Variants in MOB3B observed in about 807,000 individuals in gnomAD.
MOB3B encodes the protein MOB kinase activator-like 2B.
Under a neutral mutation model 18.7 loss-of-function variants are expected in MOB3B, and 7 were observed. The observed-to-expected ratio is 0.37, with a 90% CI of 0.21 to 0.70. The LOEUF is 0.70. Among genes scored for constraint, MOB3B ranks in the 30% least tolerant of loss-of-function variants. MOB3B has a pLI of 0.52. For synonymous variants in MOB3B, 111 were observed against 99.9 expected, an observed-to-expected ratio of 1.11 and a Z score of -0.66; for missense variants, 253 against 281.3, an observed-to-expected ratio of 0.90 and a Z score of 0.72.
chr9:27,432,457 G>A (rs868833967), intron 2 of MOB3B, among the ~76,000 whole-genome samples: 8 of 152,248 alleles, frequency 5.3e-5, no homozygotes, highest in Middle Eastern at 6.8e-3. Flanking sequence ...AGGACAGGAA[G>A]TACTTTTTGC....
intron 1 of MOB3B, 80 bp from the exon 2 acceptor site, chr9:27,455,828 C>T: frequency 7.6e-7 from 1 of 1,313,986 alleles, no homozygotes; most frequent in Non-Finnish European, 9.8e-7. Flanking sequence ...TGATTTCCAC[C>T]TTGTGTTCTT....
At chr9:27,333,068 A>T (rs962265355) in intron 3 of MOB3B, among the ~76,000 whole-genome samples, 1 of 152,202 alleles carries the variant, frequency 6.6e-6, no homozygotes, top group Admixed American at 6.5e-5. Flanking sequence ...ATACTAGAAC[A>T]ATTATGCCAC....
chr9:27,473,707 C>T (rs911086163), intron 1 of MOB3B, among the ~76,000 whole-genome samples: 8 of 152,018 alleles, frequency 5.3e-5, no homozygotes, highest in African/African-American at 1.4e-4. Context: ...ATGCACTCTC[C>T]CCAGTTCCAC....
chr9:27,430,836 G>T (rs929038883), intron 2 of MOB3B, among the ~76,000 whole-genome samples: 1 of 151,078 alleles, frequency 6.6e-6, no homozygotes, highest in African/African-American at 2.4e-5. Flanking sequence ...TCTTACCACC[G>T]TGACATTAAC....
At chr9:27,483,033 G>C (rs1036376430) in intron 1 of MOB3B, among the ~76,000 whole-genome samples, 7 of 151,660 alleles carry the variant, frequency 4.6e-5, no homozygotes, top group African/African-American at 1.7e-4. Flanking sequence ...ATACATATTT[G>C]AGGGCTTAAA....
chr9:27,463,933 GGCA>G (rs1451937139), intron 1 of MOB3B, among the ~76,000 whole-genome samples: 1 of 151,866 alleles, frequency 6.6e-6, no homozygotes, highest in Non-Finnish European at 1.5e-5. Context: ...CTCCAGCCTG[GGCA>G]GCAGCATGAG....
chr9:27,528,242 C>G (rs1057216528), intron 1 of MOB3B, among the ~76,000 whole-genome samples: 1 of 152,186 alleles, frequency 6.6e-6, no homozygotes. Flanking sequence ...CTTGTGGACC[C>G]CAGAATCTCA....
intron 1 of MOB3B, among the ~76,000 whole-genome samples, chr9:27,489,322 C>T (rs1819778758): frequency 6.6e-6 from 1 of 152,216 alleles, no homozygotes; most frequent in Non-Finnish European, 1.5e-5. Context: ...CTGAAAGCAG[C>T]AGGTGTCTCT....
chr9:27,503,783 CTTAG>C (rs1215102085), intron 1 of MOB3B, among the ~76,000 whole-genome samples: 1 of 152,204 alleles, frequency 6.6e-6, no homozygotes, highest in Non-Finnish European at 1.5e-5. Flanking sequence ...AAGAAGCATG[CTTAG>C]TTAGAGAGAG....
chr9:27,346,986 A>G (rs1415899569), intron 3 of MOB3B, among the ~76,000 whole-genome samples: 1 of 152,176 alleles, frequency 6.6e-6, no homozygotes, highest in Non-Finnish European at 1.5e-5. Context: ...ACAGAGCAAG[A>G]CTCTATCTCA....
chr9:27,484,619 G>C (rs1046045322), intron 1 of MOB3B, among the ~76,000 whole-genome samples: 5 of 152,110 alleles, frequency 3.3e-5, no homozygotes, highest in East Asian at 1.9e-4. Flanking sequence ...CACCATAAAG[G>C]CTTCATGAAT....
chr9:27,383,205 G>A (rs931012646), intron 2 of MOB3B, among the ~76,000 whole-genome samples: 3 of 152,064 alleles, frequency 2.0e-5, no homozygotes, highest in African/African-American at 7.2e-5. Context: ...TGCCTTGGAG[G>A]TAATAACAGA....
intron 1 of MOB3B, among the ~76,000 whole-genome samples, chr9:27,462,341 A>T (rs976625768): frequency 4.5e-5 from 5 of 110,616 alleles, no homozygotes; most frequent in Non-Finnish European, 1.1e-4. Context: ...ACGTGAATTG[A>T]AAAAAACAAT....
intron 2 of MOB3B, among the ~76,000 whole-genome samples, chr9:27,440,231 G>A (rs529823888): frequency 1.3e-5 from 2 of 152,306 alleles, no homozygotes; most frequent in South Asian, 4.1e-4. Flanking sequence ...ATGTGGCCAT[G>A]TCTCTTTAAT....
chr9:27,418,298 T>C (rs1005954790), intron 2 of MOB3B, among the ~76,000 whole-genome samples: 1 of 151,952 alleles, frequency 6.6e-6, no homozygotes, highest in Non-Finnish European at 1.5e-5. Context: ...GACACTATTT[T>C]GCAAGATAAA....
chr9:27,342,457 T>C (rs1820958017), intron 3 of MOB3B, among the ~76,000 whole-genome samples: 1 of 137,196 alleles, frequency 7.3e-6, no homozygotes. Context: ...TCCGTCTCCC[T>C]TTCCCTCGTC....
rs148482005 is a variant in MOB3B at position 27,495,475 on chromosome 9, G to A, written c.-199+34080C>T. On this transcript the variant is annotated intron_variant, in intron 1 of 3. Transcript: ENST00000262244. ...CTGAGGGACATTTCCACCATAGCTC[G>A]TGCCACACTGTATTAGTTTTCCCAT... is the stretch of plus-strand genomic sequence containing the variant. Among the ~76,000 whole-genome samples, 57 of 152,186 alleles carry A rather than the reference G, an allele frequency of 3.7e-4. No homozygotes were observed. The East Asian group carries it at 9.6e-3, about 26-fold the overall frequency.
chr9:27,340,021 T>A (rs766149589), intron 3 of MOB3B, among the ~76,000 whole-genome samples: 1 of 152,216 alleles, frequency 6.6e-6, no homozygotes. Context: ...GAATTAGAAA[T>A]GTTCTTTCTG....
At chr9:27,346,471 T>C (rs1476021134) in intron 3 of MOB3B, among the ~76,000 whole-genome samples, 3 of 152,214 alleles carry the variant, frequency 2.0e-5, no homozygotes, top group Non-Finnish European at 2.9e-5. Flanking sequence ...ACAGTATTTA[T>C]CTCATAGACT....
Sources: allele counts gnomAD v4.1 joint callset (sites outside exome capture counted in the v4.1 genomes callset), GRCh38; gene constraint gnomAD v4.1.1; transcripts MANE v1.5; gene names NCBI Gene and HGNC (gene_info 2026-07-23, HGNC 2026-07-21).